The following CDC42EP2 variants were observed in gnomAD, a reference collection of about 807,000 sequenced individuals.
CDC42EP2 encodes the protein CDC42 effector protein 2, also known as CDC42 effector protein (Rho GTPase binding) 2.
Under a neutral mutation model 7.3 loss-of-function variants are expected in CDC42EP2, and 5 were observed. The ratio of observed to expected loss-of-function variants is 0.68; its 90% confidence interval spans 0.36 to 1.44. The LOEUF (loss-of-function observed/expected upper bound fraction) is 1.44. CDC42EP2 is among the 40% of genes most tolerant of loss of function. The pLI is 0.04. For synonymous variants in CDC42EP2, 113 were observed against 123.6 expected (o/e 0.91, Z 0.57); for missense variants, 251 against 282.6 (o/e 0.89, Z 0.80).
chr11:65,318,670 G>A lies in CDC42EP2; in HGVS notation c.-355-1874G>A, dbSNP rs113118061. Among the ~76,000 whole-genome samples, 1,049 of 151,458 alleles carry A rather than the reference G, an allele frequency of 6.9e-3. 10 individuals are homozygous for A. The highest frequency in any genetic ancestry group is 0.023 in the African/African-American group (947 of 41,314). ...GATCTCCTGACCTCATGATCCGCCC[G>A]CCTCGGCCTCCTAAAGTGCTGGGAT... On this transcript the variant is annotated intron_variant, in intron 1 of 1. Transcript: ENST00000279249.
At position 65,321,887 on chromosome 11, in the gene CDC42EP2, T is replaced by C. The variant is rs1949977092; in HGVS notation, c.*356T>C. ...TCCCTTCTGCCTCTGCCCCGTTGGA[T>C]GCCCTGACTGGGGGCAGGGGAAGAG... On this transcript the variant is annotated 3_prime_UTR_variant, in exon 2 of 2. Transcript: ENST00000279249. This position sits in a 1 kb window ranked among gnomAD's most constrained non-coding sequence, Gnocchi z 4.4. 9.0e-6 allele frequency: 2 copies of C among 223,306 alleles called. No homozygotes were observed. Among genetic ancestry groups the C allele is most frequent in the South Asian group, 2.1e-4 (2 of 9,680 alleles). The allele number at this position is 223,306 out of a possible 1,614,324, so 13.8% of individuals were successfully genotyped here. A position where few individuals can be genotyped will look rare whatever the true frequency, so the allele number is the denominator to read the frequency against.
rs1377601391 is a variant in CDC42EP2 at position 65,315,561 on chromosome 11, C to G, written c.-356+607C>G. Reference sequence around the variant, plus strand: ...CTAGGGCAGGGTCCCCAATCGCCCCCTTTTTCCCCGATTGTGGGACCAGAA... The same window carrying G: ...CTAGGGCAGGGTCCCCAATCGCCCCGTTTTTCCCCGATTGTGGGACCAGAA... On this transcript the variant is annotated intron_variant, in intron 1 of 1. Transcript: ENST00000279249. The surrounding 1 kb of genome is among the most constrained non-coding windows in gnomAD (Gnocchi z 4.1). 6.6e-6 allele frequency among the ~76,000 whole-genome samples: 1 copy of G among 152,374 alleles called. No homozygotes were observed. The highest frequency in any genetic ancestry group is 1.9e-4 in the East Asian group (1 of 5,190).
intron 1 of CDC42EP2, among the ~76,000 whole-genome samples, chr11:65,320,028 G>C (rs944488297): frequency 1.3e-5 from 2 of 152,214 alleles, no homozygotes; most frequent in African/African-American, 4.8e-5. Flanking sequence ...TTTCCCACCT[G>C]TAAGGGGAGG....
chr11:65,320,689 C>T lies in CDC42EP2; in HGVS notation c.-210C>T. ...AGAACGTGATTTTTGTTATCTCAGC[C>T]CACTGACTTCATTGATCTCTAATCT... On this transcript the variant is annotated 5_prime_UTR_variant, in exon 2 of 2. Coordinates refer to ENST00000279249, the MANE Select transcript of CDC42EP2 (RefSeq NM_006779.4). 1.8e-6 allele frequency: 1 copy of T among 566,724 alleles called. No homozygotes were observed. Among genetic ancestry groups the T allele is most frequent in the Non-Finnish European group, 3.1e-6 (1 of 318,282 alleles). 35.1% of individuals were successfully genotyped at this position (566,724 alleles called of 1,614,324 possible).
rs1949970181 is a variant in CDC42EP2 at position 65,320,861 on chromosome 11, C to T, written c.-38C>T. The T allele has an allele frequency of 6.4e-7, 1 of 1,563,802 alleles. No homozygotes were observed. ...GAGGAGGTGTGGTCTCAGCAGGCGG[C>T]CCGTAGCCTCACAGCCAGGCCTGGT... On this transcript the variant is annotated 5_prime_UTR_variant, in exon 2 of 2. Transcript: ENST00000279249.
intron 1 of CDC42EP2, among the ~76,000 whole-genome samples, chr11:65,319,132 ATT>A (rs35711764): frequency 2.6e-4 from 35 of 133,928 alleles, no homozygotes; most frequent in African/African-American, 2.2e-4. Context: ...GACACCTCTG[ATT>A]TTTTTTTTTT....
Position 65,320,762 on chromosome 11 carries a change from A to G in CDC42EP2, c.-137A>G. On this transcript the variant is annotated 5_prime_UTR_variant, in exon 2 of 2. Coordinates refer to ENST00000279249, the MANE Select transcript of CDC42EP2 (RefSeq NM_006779.4). Reference sequence around the variant, plus strand: ...TTGTTCGTGCCCCCACACTGTAGCCAGAAGCCCGTTGGCGAGCTCTGGCAC... The same window carrying G: ...TTGTTCGTGCCCCCACACTGTAGCCGGAAGCCCGTTGGCGAGCTCTGGCAC... The G allele has an allele frequency of 1.2e-6, 1 of 835,494 alleles. No homozygotes were observed. 51.8% of individuals were successfully genotyped at this position (835,494 alleles called of 1,614,324 possible).
Position 65,321,084 on chromosome 11 carries a change from C to T in CDC42EP2, c.186C>T (p.Phe62=). Residue 62 remains phenylalanine, a synonymous_variant, in exon 2 of 2, where the codon TTC becomes TTT. Coordinates refer to ENST00000279249, the MANE Select transcript of CDC42EP2 (RefSeq NM_006779.4). The surrounding 1 kb of genome is among the most constrained non-coding windows in gnomAD (Gnocchi z 4.4). ...ACATCTCCTTCCTGCAGGGCAAGTT[C>T]CACCTCCTGCCGGGGACCATGGTGG... ...FGDISFLQGK[F]HLLPGTMVEG... is the part of the protein sequence containing the mutation. 6.2e-7 allele frequency: 1 copy of T among 1,614,156 alleles called. No homozygotes were observed. The highest frequency in any genetic ancestry group is 8.5e-7 in the Non-Finnish European group (1 of 1,180,012).
intron 1 of CDC42EP2, among the ~76,000 whole-genome samples, chr11:65,316,300 G>A (rs1051969875): frequency 1.3e-5 from 2 of 152,278 alleles, no homozygotes; most frequent in African/African-American, 4.8e-5. Flanking sequence ...ATCACAGAGA[G>A]CTAGGATGCT....
rs1405987109 is a variant in CDC42EP2 at position 65,322,101 on chromosome 11, C to G, written c.*570C>G. ...ACATGCTGCTGCTGGTGGCGGAGCTCCCTGTCCCTTTGCCCCAGGTTTCCT... is the reference window on the plus strand; with the variant it reads ...ACATGCTGCTGCTGGTGGCGGAGCTGCCTGTCCCTTTGCCCCAGGTTTCCT... On this transcript the variant is annotated 3_prime_UTR_variant, in exon 2 of 2. Coordinates refer to ENST00000279249, the MANE Select transcript of CDC42EP2 (RefSeq NM_006779.4). 1 of 167,832 alleles carries G rather than the reference C, an allele frequency of 6.0e-6. No individual in the cohort carries two copies. The highest frequency in any genetic ancestry group is 1.5e-5 in the Non-Finnish European group (1 of 68,782). The allele number at this position is 167,832 out of a possible 1,614,324, so 10.4% of individuals were successfully genotyped here.
chr11:65,316,100 A>C (rs1170042647), intron 1 of CDC42EP2, among the ~76,000 whole-genome samples: 1 of 152,176 alleles, frequency 6.6e-6, no homozygotes, highest in African/African-American at 2.4e-5. Context: ...GGGAAAGGTG[A>C]GACCCAGAGA....
rs967798411 is a variant in CDC42EP2, at chr11:65,314,874, A to G, written c.-436A>G. 4.0e-5 allele frequency: 6 copies of G among 151,546 alleles called. No individual in the cohort carries two copies. The highest frequency in any genetic ancestry group is 8.8e-5 in the Non-Finnish European group (6 of 67,892). 9.4% of individuals were successfully genotyped at this position (151,546 alleles called of 1,614,324 possible). A position where few individuals can be genotyped will look rare whatever the true frequency, so the allele number is the denominator to read the frequency against. Reference sequence around the variant, plus strand: ...GGTCCGCGGTGCACTCTGTAAGTTCACCGCCGGTCGGGTCCGGCCGCCGCG... The same window carrying G: ...GGTCCGCGGTGCACTCTGTAAGTTCGCCGCCGGTCGGGTCCGGCCGCCGCG... On this transcript the variant is annotated 5_prime_UTR_variant, in exon 1 of 2. Coordinates refer to ENST00000279249, the MANE Select transcript of CDC42EP2 (RefSeq NM_006779.4).
At position 65,322,325 on chromosome 11, in the gene CDC42EP2, T is replaced by C. The variant is rs1045194821; in HGVS notation, c.*794T>C. 1 of 166,928 alleles carries C rather than the reference T, an allele frequency of 6.0e-6. No homozygotes were observed. Among genetic ancestry groups the C allele is most frequent in the African/African-American group, 2.4e-5 (1 of 41,430 alleles). 10.3% of individuals were successfully genotyped at this position (166,928 alleles called of 1,614,324 possible). On this transcript the variant is annotated 3_prime_UTR_variant, in exon 2 of 2. Transcript: ENST00000279249. ...GGCAAGAGGTGGCTGAGCACTGGGG[T>C]GGGCTTGGCACTGTGCCAAGCCTGG...
chr11:65,317,100 G>A (rs1949951379), intron 1 of CDC42EP2: 2 of 152,320 alleles, frequency 1.3e-5, no homozygotes, highest in Non-Finnish European at 2.9e-5. Flanking sequence ...GTTGACACAG[G>A]ATGAATGCGT....
At position 65,320,645 on chromosome 11, in the gene CDC42EP2, A is replaced by G; in HGVS notation, c.-254A>G. On this transcript the variant is annotated 5_prime_UTR_variant, in exon 2 of 2. Coordinates refer to ENST00000279249, the MANE Select transcript of CDC42EP2 (RefSeq NM_006779.4). ...CTTTCTGGCTTCAATTCTTCAGAAG[A>G]GTTTGCCGTCCTTTGGGGAGAACGT... 1 of 493,384 alleles carries G rather than the reference A, an allele frequency of 2.0e-6. No individual in the cohort carries two copies. Among genetic ancestry groups the G allele is most frequent in the Non-Finnish European group, 3.7e-6 (1 of 272,624 alleles). 30.6% of individuals were successfully genotyped at this position (493,384 alleles called of 1,614,324 possible).
At position 65,314,876 on chromosome 11, in the gene CDC42EP2, C is replaced by T. The variant is rs1046970381; in HGVS notation, c.-434C>T. The T allele has an allele frequency of 6.6e-6, 1 of 152,140 alleles. No homozygotes were observed. Among genetic ancestry groups the T allele is most frequent in the African/African-American group, 2.4e-5 (1 of 41,412 alleles). The allele number at this position is 152,140 out of a possible 1,614,324, so 9.4% of individuals were successfully genotyped here. On this transcript the variant is annotated 5_prime_UTR_variant, in exon 1 of 2. Coordinates refer to ENST00000279249, the MANE Select transcript of CDC42EP2 (RefSeq NM_006779.4). ...TCCGCGGTGCACTCTGTAAGTTCAC[C>T]GCCGGTCGGGTCCGGCCGCCGCGCT...
intron 1 of CDC42EP2, 42 bp downstream of exon 1, chr11:65,314,996 C>T (rs1949939252): frequency 6.6e-6 from 1 of 152,398 alleles, no homozygotes; most frequent in Non-Finnish European, 1.5e-5. Context: ...CGGGGGTCCC[C>T]CGAGAGGCCC....
Position 65,315,114 on chromosome 11 carries a change from G to A in CDC42EP2, c.-356+160G>A, listed in dbSNP as rs976531390. ...CATGGGGCTTCCCACCCGCATCTGG[G>A]TTCCCGCAGCCTCGCCCGTGCCCGC... On this transcript the variant is annotated intron_variant, in intron 1 of 1. Coordinates refer to ENST00000279249, the MANE Select transcript of CDC42EP2 (RefSeq NM_006779.4). This position sits in a 1 kb window ranked among gnomAD's most constrained non-coding sequence, Gnocchi z 4.1. Among the ~76,000 whole-genome samples, 1 of 152,056 alleles carries A rather than the reference G, an allele frequency of 6.6e-6. No homozygotes were observed. Among genetic ancestry groups the A allele is most frequent in the Non-Finnish European group, 1.5e-5 (1 of 67,950 alleles).
intron 1 of CDC42EP2, among the ~76,000 whole-genome samples, chr11:65,318,315 C>T (rs945393564): frequency 1.1e-4 from 17 of 150,430 alleles, no homozygotes; most frequent in Non-Finnish European, 1.6e-4. Context: ...AGTGCAGTGG[C>T]GCGATCTAGG....
Sources: gnomAD v4.1 joint callset for allele counts (sites outside exome capture counted in the v4.1 genomes callset) on GRCh38, gnomAD v4.1.1 for gene constraint, Gnocchi (gnomAD v3.1) non-coding constraint, MANE v1.5 for transcripts, NCBI Gene and HGNC (gene_info 2026-07-23, HGNC 2026-07-21) for gene names.